ADAMTSL1: variants seen among roughly 807,000 people sequenced by gnomAD.
ADAMTSL1 encodes ADAMTS like 1.
ADAMTSL1 carries 126 observed loss-of-function variants against 201.8 expected under a neutral mutation model. That is an observed-to-expected ratio of 0.62 (90% confidence interval 0.54 to 0.72). The LOEUF (loss-of-function observed/expected upper bound fraction) is 0.72, where lower values mean the gene tolerates loss of function less well. ADAMTSL1 is among the 30% of genes least tolerant of loss of function. The probability of loss-of-function intolerance (pLI) is 0.00; values close to 1 mark genes in which losing one functional copy is unlikely to be tolerated. For missense variants in ADAMTSL1, 2,679 were observed against 2,277.8 expected (o/e 1.18, Z -3.59); for synonymous variants, 1,121 against 903.4 (o/e 1.24, Z -4.32).
chr9:18,028,316 CACTT>C (rs757076998), intron 1 of ADAMTSL1, among the ~76,000 whole-genome samples: 17 of 152,042 alleles, frequency 1.1e-4, no homozygotes, highest in Admixed American at 3.3e-4. Context: ...CTTTAGAACT[CACTT>C]AATGTTCTCT....
intron 2 of ADAMTSL1, among the ~76,000 whole-genome samples, chr9:18,457,766 T>A (rs1235305290): frequency 1.3e-5 from 2 of 152,172 alleles, no homozygotes; most frequent in Non-Finnish European, 2.9e-5. Flanking sequence ...TTAGAGAAAG[T>A]GATAATGCTT....
Position 17,983,064 on chromosome 9 carries a change from C to CTTTTTTTTTTTTTTTTTTTTTT in ADAMTSL1, c.87+76145_87+76146insTTTTTTTTTTTTTTTTTTTTTT, listed in dbSNP as rs202085722. Among the ~76,000 whole-genome samples, 235 of 88,530 alleles carry CTTTTTTTTTTTTTTTTTTTTTT rather than the reference C, an allele frequency of 2.7e-3. 13 individuals are homozygous for CTTTTTTTTTTTTTTTTTTTTTT. Among genetic ancestry groups the CTTTTTTTTTTTTTTTTTTTTTT allele is most frequent in the East Asian group, 3.5e-3 (10 of 2,850 alleles). 58.1% of individuals were successfully genotyped at this position (88,530 alleles called of 152,430 possible). ...TTTTCATTTTCTTTTTCTTTTCTTTCTTTCTTTCTTTCTTTTTTTTTTTTG... is the reference window on the plus strand; with the variant it reads ...TTTTCATTTTCTTTTTCTTTTCTTTCTTTTTTTTTTTTTTTTTTTTTTTTTCTTTCTTTCTTTTTTTTTTTTG... On this transcript the variant is annotated intron_variant, in intron 1 of 29. Coordinates refer to the ADAMTSL1 transcript ENST00000680146.
intron 23 of ADAMTSL1, among the ~76,000 whole-genome samples, chr9:18,872,309 G>T (rs981260208): frequency 6.6e-6 from 1 of 152,158 alleles, no homozygotes; most frequent in Non-Finnish European, 1.5e-5. Flanking sequence ...CAAGGGAAGA[G>T]GTTGGGATTA....
chr9:18,896,340 G>A (rs1829635405), intron 26 of ADAMTSL1, among the ~76,000 whole-genome samples: 1 of 152,156 alleles, frequency 6.6e-6, no homozygotes, highest in African/African-American at 2.4e-5. Flanking sequence ...TTGTGTACAA[G>A]AAATTCTCAA....
intron 2 of ADAMTSL1, among the ~76,000 whole-genome samples, chr9:18,412,423 TA>T: frequency 6.6e-6 from 1 of 152,356 alleles, no homozygotes; most frequent in Non-Finnish European, 1.5e-5. Flanking sequence ...TTACTGGTTG[TA>T]AAATGATGAT....
chr9:17,928,073 C>T (rs953088080), intron 1 of ADAMTSL1, among the ~76,000 whole-genome samples: 2 of 151,540 alleles, frequency 1.3e-5, no homozygotes, highest in African/African-American at 4.9e-5. Context: ...GGACTCACTG[C>T]AGCCTCGACT....
intron 2 of ADAMTSL1, among the ~76,000 whole-genome samples, chr9:18,304,259 G>C (rs1234688894): frequency 6.6e-6 from 1 of 152,002 alleles, no homozygotes; most frequent in Non-Finnish European, 1.5e-5. Flanking sequence ...TGGCAAGAAG[G>C]GGGTCTAGAG....
chr9:18,521,679 G>A (rs1818699669), intron 2 of ADAMTSL1, among the ~76,000 whole-genome samples: 1 of 152,030 alleles, frequency 6.6e-6, no homozygotes, highest in Non-Finnish European at 1.5e-5. Context: ...CTTGTTGGGA[G>A]CAAGCCCCCT....
At chr9:18,014,193 C>T (rs188204459) in intron 1 of ADAMTSL1, among the ~76,000 whole-genome samples, 2 of 152,114 alleles carry the variant, frequency 1.3e-5, no homozygotes, top group East Asian at 3.9e-4. Context: ...CCAGGAAGTG[C>T]CCCCCATACA....
chr9:18,878,919 G>A (rs1828347118), intron 23 of ADAMTSL1, among the ~76,000 whole-genome samples: 1 of 152,166 alleles, frequency 6.6e-6, no homozygotes, highest in Non-Finnish European at 1.5e-5. Context: ...TTGCTGCTAG[G>A]ATCTCTGAGA....
chr9:18,564,250 T>C (rs569133084), intron 3 of ADAMTSL1, among the ~76,000 whole-genome samples: 109 of 152,324 alleles, frequency 7.2e-4, no homozygotes, highest in African/African-American at 2.5e-3. Context: ...CATGGCTTCC[T>C]TTGGGTAGGG....
At chr9:18,011,809 T>C (rs560562179) in intron 1 of ADAMTSL1, among the ~76,000 whole-genome samples, 36 of 152,104 alleles carry the variant, frequency 2.4e-4, no homozygotes, top group African/African-American at 7.0e-4. Flanking sequence ...GTCAGGCTGT[T>C]ACCTTCCAGC....
At chr9:18,417,184 G>C (rs1818713028) in intron 2 of ADAMTSL1, among the ~76,000 whole-genome samples, 1 of 151,710 alleles carries the variant, frequency 6.6e-6, no homozygotes, top group South Asian at 2.1e-4. Context: ...GTACCAAAGA[G>C]GAAATCAAGG....
At chr9:18,002,294 C>CTT (rs770926874) in intron 1 of ADAMTSL1, among the ~76,000 whole-genome samples, 2 of 151,922 alleles carry the variant, frequency 1.3e-5, no homozygotes, top group Non-Finnish European at 2.9e-5. Context: ...CTAAAAATAC[C>CTT]TTGGAATTAA....
intron 20 of ADAMTSL1, among the ~76,000 whole-genome samples, chr9:18,808,260 A>C (rs1017303128): frequency 6.6e-6 from 1 of 152,256 alleles, no homozygotes; most frequent in African/African-American, 2.4e-5. Flanking sequence ...CAGATTTAGT[A>C]GTTCTGAAGT....
intron 1 of ADAMTSL1, among the ~76,000 whole-genome samples, chr9:17,923,298 G>T (rs565123373): frequency 2.0e-4 from 30 of 148,432 alleles, no homozygotes; most frequent in African/African-American, 6.2e-4. Context: ...CCATTTGTTT[G>T]TATCCTCTTT....
At chr9:18,722,193 G>T (rs1181440613) in intron 15 of ADAMTSL1, among the ~76,000 whole-genome samples, 2 of 152,146 alleles carry the variant, frequency 1.3e-5, no homozygotes, top group African/African-American at 2.4e-5. Context: ...TCATTGTTCA[G>T]CCCTGCCTGG....
chr9:17,923,522 G>T (rs1010918580), intron 1 of ADAMTSL1, among the ~76,000 whole-genome samples: 17 of 151,910 alleles, frequency 1.1e-4, no homozygotes, highest in African/African-American at 4.1e-4. Flanking sequence ...AGGAGATTTT[G>T]GGCTGAGACA....
intron 16 of ADAMTSL1, among the ~76,000 whole-genome samples, chr9:18,763,529 G>T (rs946064856): frequency 1.3e-5 from 2 of 152,062 alleles, no homozygotes; most frequent in African/African-American, 4.8e-5. Flanking sequence ...ATTTGCCTGT[G>T]CTTGAGGGGT....
Sources: allele counts gnomAD v4.1 joint callset (sites outside exome capture counted in the v4.1 genomes callset), GRCh38; gene constraint gnomAD v4.1.1; transcripts MANE v1.5; gene names NCBI Gene and HGNC (gene_info 2026-07-23, HGNC 2026-07-21).